The following MYL3 variants were observed in gnomAD, a reference collection of about 807,000 sequenced individuals.
The protein encoded by MYL3 is CMLC1.
Under a neutral mutation model 21.3 loss-of-function variants are expected in MYL3, and 11 were observed. The observed-to-expected ratio is 0.52, with a 90% CI of 0.32 to 0.85. MYL3 has a LOEUF of 0.85. Ranked by LOEUF, MYL3 falls within the 40% of genes least tolerant of loss-of-function variation. MYL3 has a pLI of 0.03. For synonymous variants in MYL3, 88 were observed against 91.6 expected, an observed-to-expected ratio of 0.96 and a Z score of 0.22; for missense variants, 206 against 253.3, an observed-to-expected ratio of 0.81 and a Z score of 1.27.
rs1701971463 is a variant in MYL3 at position 46,859,849 on chromosome 3, ACT to A, written c.308-203_308-202del. ...CACTTTACAGTCTACTGAGCAATGC[ACT>A]GTTTCCATAGCCCTTTGCTATTCAC... is the stretch of plus-strand genomic sequence containing the variant. On this transcript the variant is annotated intron_variant, in intron 3 of 6. Coordinates refer to ENST00000292327, the MANE Select transcript of MYL3 (RefSeq NM_000258.3). The surrounding 1 kb of genome is among the most constrained non-coding windows in gnomAD (Gnocchi z 4.1). Among the ~76,000 whole-genome samples, 1 of 152,162 alleles carries A rather than the reference ACT, an allele frequency of 6.6e-6. No homozygotes were observed. Among genetic ancestry groups the A allele is most frequent in the African/African-American group, 2.4e-5 (1 of 41,444 alleles).
At chr3:46,880,492 C>T (rs1468561730) in intron 1 of MYL3, among the ~76,000 whole-genome samples, 1 of 152,182 alleles carries the variant, frequency 6.6e-6, no homozygotes, top group African/African-American at 2.4e-5. Context: ...GTAATCCCAG[C>T]ACTTTGGGAG....
chr3:46,870,349 G>A (rs1487105321), intron 1 of MYL3, among the ~76,000 whole-genome samples: 1 of 152,118 alleles, frequency 6.6e-6, no homozygotes, highest in Non-Finnish European at 1.5e-5. Context: ...CAGTGCCGAG[G>A]ACAGGGACAA....
Position 46,860,180 on chromosome 3 carries a change from G to A in MYL3, c.307+496C>T, listed in dbSNP as rs1225734972. Among the ~76,000 whole-genome samples, 3 of 151,906 alleles carry A rather than the reference G, an allele frequency of 2.0e-5. No homozygotes were observed. Among genetic ancestry groups the A allele is most frequent in the Non-Finnish European group, 2.9e-5 (2 of 68,018 alleles). On this transcript the variant is annotated intron_variant, in intron 3 of 6. Transcript: ENST00000292327. This position sits in a 1 kb window ranked among gnomAD's most constrained non-coding sequence, Gnocchi z 4.6. The stretch of plus-strand genomic sequence containing the variant: ...TTCTTGTTACGTCACACAGACTGGA[G>A]TACAGTGGTGTGATTATAGCTCACT...
At chr3:46,868,345 C>T (rs913758927), upstream of MYL3, among the ~76,000 whole-genome samples, 11 of 152,200 alleles carry the variant, frequency 7.2e-5, no homozygotes, top group African/African-American at 2.7e-4. Flanking sequence ...AGTCCCAGCC[C>T]ATCCTCACTA....
At chr3:46,878,613 CA>C (rs1485823377) in intron 1 of MYL3, among the ~76,000 whole-genome samples, 1 of 152,174 alleles carries the variant, frequency 6.6e-6, no homozygotes, top group African/African-American at 2.4e-5. Context: ...CTGGTCTGGC[CA>C]AGGGGTTTTC....
chr3:46,860,376 G>A lies in MYL3; in HGVS notation c.307+300C>T, dbSNP rs1701978022. Among the ~76,000 whole-genome samples the A allele has an allele frequency of 6.6e-6, 1 of 152,118 alleles. No individual in the cohort carries two copies. Among genetic ancestry groups the A allele is most frequent in the Non-Finnish European group, 1.5e-5 (1 of 68,010 alleles). Reference sequence around the variant, plus strand: ...CCTGGCCTCAAGTGATCCTCCCAAAGCATTGGGATGACAGCATCCCACTGC... The same window carrying A: ...CCTGGCCTCAAGTGATCCTCCCAAAACATTGGGATGACAGCATCCCACTGC... On this transcript the variant is annotated intron_variant, in intron 3 of 6. Coordinates refer to ENST00000292327, the MANE Select transcript of MYL3 (RefSeq NM_000258.3). This position sits in a 1 kb window ranked among gnomAD's most constrained non-coding sequence, Gnocchi z 4.6.
intron 1 of MYL3, among the ~76,000 whole-genome samples, chr3:46,870,397 C>T (rs963399701): frequency 4.6e-5 from 7 of 151,874 alleles, no homozygotes; most frequent in Non-Finnish European, 7.4e-5. Flanking sequence ...GACAAGAAGG[C>T]CACAGTGGTG....
At chr3:46,878,191 A>G (rs6442036) in intron 1 of MYL3, among the ~76,000 whole-genome samples, 141,479 of 152,280 alleles carry the variant, frequency 0.93, 65,879 homozygotes, top group East Asian at 1. Context: ...GAAGGGGGCT[A>G]CCCAGCCAGC....
chr3:46,861,932 T>C lies in MYL3; in HGVS notation c.130-945A>G, dbSNP rs896027706. Among the ~76,000 whole-genome samples the C allele has an allele frequency of 2.6e-5, 4 of 152,200 alleles. No individual in the cohort carries two copies. The highest frequency in any genetic ancestry group is 7.2e-5 in the African/African-American group (3 of 41,440). ...CTGTTCAGGGCCACCCTACCATGAC[T>C]GTCCCTCCTGGCTTCTGGCTTGACC... On this transcript the variant is annotated intron_variant, in intron 1 of 6. Transcript: ENST00000292327. The surrounding 1 kb of genome is among the most constrained non-coding windows in gnomAD (Gnocchi z 4.2).
At chr3:46,870,564 G>C (rs969100469) in intron 1 of MYL3, among the ~76,000 whole-genome samples, 1 of 151,928 alleles carries the variant, frequency 6.6e-6, no homozygotes, top group African/African-American at 2.4e-5. Context: ...AAAATCCTCT[G>C]TGGCCCAGGG....
Position 46,859,545 on chromosome 3 carries a change from C to A in MYL3, c.411G>T (p.Leu137=), listed in dbSNP as rs2233265. Residue 137 remains leucine, a synonymous_variant, in exon 4 of 7, where the codon CTG becomes CTT. Coordinates refer to ENST00000292327, the MANE Select transcript of MYL3 (RefSeq NM_000258.3). This position sits in a 1 kb window ranked among gnomAD's most constrained non-coding sequence, Gnocchi z 4.1. Reference sequence around the variant, plus strand: ...CATTGCCCTCCTTGTCGAAGACCCGCAGCCCCTCCACGAAGTCCTCATAGG... The same window carrying A: ...CATTGCCCTCCTTGTCGAAGACCCGAAGCCCCTCCACGAAGTCCTCATAGG... The part of the protein sequence containing the change: ...TGTYEDFVEG[L]RVFDKEGNGT... The A allele has an allele frequency of 4.8e-5, 77 of 1,614,248 alleles. No homozygotes were observed. The East Asian group carries it at 1.1e-3, about 23-fold the overall frequency.
Position 46,859,121 on chromosome 3 carries a change from C to T in MYL3, c.481+354G>A, listed in dbSNP as rs978065352. On this transcript the variant is annotated intron_variant, in intron 4 of 6. Transcript: ENST00000292327. This position sits in a 1 kb window ranked among gnomAD's most constrained non-coding sequence, Gnocchi z 4.1. ...CCACAGAGGTCAGGATCCCCCCAGG[C>T]GGCAGGCACTTGACCTGCTTGACCA... Among the ~76,000 whole-genome samples, 2 of 152,116 alleles carry T rather than the reference C, an allele frequency of 1.3e-5. No individual in the cohort carries two copies. The highest frequency in any genetic ancestry group is 2.1e-4 in the South Asian group (1 of 4,820).
Position 46,860,781 on chromosome 3 carries a change from CACACT to C in MYL3, c.197_201del (p.Lys66ArgfsTer45). ...CACTGCCCGTAGGTGATCTTCATCT[CACACT>C]TGGGTGTGCGGTCGAACAGCATGAA... On this transcript the variant is annotated frameshift_variant, in exon 3 of 7. Coordinates refer to ENST00000292327, the MANE Select transcript of MYL3 (RefSeq NM_000258.3). LOFTEE classifies it high-confidence loss of function. The surrounding 1 kb of genome is among the most constrained non-coding windows in gnomAD (Gnocchi z 4.6). The C allele has an allele frequency of 6.2e-7, 1 of 1,614,168 alleles. No homozygotes were observed. The highest frequency in any genetic ancestry group is 8.5e-7 in the Non-Finnish European group (1 of 1,180,032).
At chr3:46,863,091 T>C (rs1702008990) in intron 1 of MYL3, among the ~76,000 whole-genome samples, 171 bp downstream of exon 1, 1 of 152,234 alleles carries the variant, frequency 6.6e-6, no homozygotes, top group Non-Finnish European at 1.5e-5. Flanking sequence ...TCCCTCCTGC[T>C]GCAGCCCTTC....
chr3:46,865,817 G>A (rs555737387), upstream of MYL3, among the ~76,000 whole-genome samples: 7 of 152,208 alleles, frequency 4.6e-5, no homozygotes, highest in East Asian at 1.9e-4. This position sits in a 1 kb window ranked among gnomAD's most constrained non-coding sequence, Gnocchi z 4.3. Flanking sequence ...CAGGGCAAAC[G>A]TGGTCCTGCA....
At chr3:46,877,433 A>G (rs978626160) in intron 1 of MYL3, among the ~76,000 whole-genome samples, 3 of 152,198 alleles carry the variant, frequency 2.0e-5, no homozygotes, top group African/African-American at 7.2e-5. Flanking sequence ...ACAGGGACAC[A>G]GAGACTAAGA....
chr3:46,860,368 C>T lies in MYL3; in HGVS notation c.307+308G>A, dbSNP rs947753109. On this transcript the variant is annotated intron_variant, in intron 3 of 6. Coordinates refer to ENST00000292327, the MANE Select transcript of MYL3 (RefSeq NM_000258.3). The surrounding 1 kb of genome is among the most constrained non-coding windows in gnomAD (Gnocchi z 4.6). ...GTCTCACTCCTGGCCTCAAGTGATC[C>T]TCCCAAAGCATTGGGATGACAGCAT... is the stretch of plus-strand genomic sequence containing the variant. Among the ~76,000 whole-genome samples, 3 of 152,130 alleles carry T rather than the reference C, an allele frequency of 2.0e-5. No homozygotes were observed. Among genetic ancestry groups the T allele is most frequent in the Non-Finnish European group, 4.4e-5 (3 of 68,010 alleles).
upstream of MYL3, among the ~76,000 whole-genome samples, chr3:46,865,266 C>T (rs1010113988): frequency 2.0e-5 from 3 of 151,218 alleles, no homozygotes; most frequent in Admixed American, 6.6e-5. This position sits in a 1 kb window ranked among gnomAD's most constrained non-coding sequence, Gnocchi z 4.3. Context: ...TGACAACATC[C>T]GGGACTGGCG....
chr3:46,861,309 G>A lies in MYL3; in HGVS notation c.130-322C>T, dbSNP rs77221239. ...AGCGTGGGCCTTACCTGATGCTCCCGGTTCTGGACAGATGTACCTTAAGCC... is the reference window on the plus strand; with the variant it reads ...AGCGTGGGCCTTACCTGATGCTCCCAGTTCTGGACAGATGTACCTTAAGCC... On this transcript the variant is annotated intron_variant, in intron 1 of 6. Transcript: ENST00000292327. The surrounding 1 kb of genome is among the most constrained non-coding windows in gnomAD (Gnocchi z 4.2). 2.0e-5 allele frequency among the ~76,000 whole-genome samples: 3 copies of A among 152,180 alleles called. No individual in the cohort carries two copies. The highest frequency in any genetic ancestry group is 4.8e-5 in the African/African-American group (2 of 41,438).
Sources: gnomAD v4.1 joint callset for allele counts (sites outside exome capture counted in the v4.1 genomes callset) on GRCh38, gnomAD v4.1.1 for gene constraint, Gnocchi (gnomAD v3.1) non-coding constraint, MANE v1.5 for transcripts, NCBI Gene and HGNC (gene_info 2026-07-23, HGNC 2026-07-21) for gene names.